Variants in SLC29A3 observed in about 807,000 individuals in gnomAD.
SLC29A3 encodes solute carrier family 29 member 3.
SLC29A3 carries 18 observed loss-of-function variants against 25.4 expected under a neutral mutation model. That is an observed-to-expected ratio of 0.71 (90% CI 0.49 to 1.05). The LOEUF (loss-of-function observed/expected upper bound fraction) is 1.05, where lower values mean the gene tolerates loss of function less well. SLC29A3 is among the 50% of genes least tolerant of loss of function. The probability of loss-of-function intolerance (pLI) is 0.00; values close to 1 mark genes in which losing one functional copy is unlikely to be tolerated. For synonymous variants in SLC29A3, 258 were observed against 267.1 expected (o/e 0.97, Z 0.33); for missense variants, 586 against 609.0 (o/e 0.96, Z 0.40).
At chr10:71,323,723 C>G (rs549322970) in intron 2 of SLC29A3, among the ~76,000 whole-genome samples, 3 of 152,196 alleles carry the variant, frequency 2.0e-5, no homozygotes, top group Admixed American at 1.3e-4. Flanking sequence ...AAAATGAATC[C>G]GAAGGGATAA....
intron 2 of SLC29A3, among the ~76,000 whole-genome samples, chr10:71,336,568 A>T (rs1355533851): frequency 6.6e-6 from 1 of 151,782 alleles, no homozygotes; most frequent in Non-Finnish European, 1.5e-5. Flanking sequence ...AGCAAAGTTA[A>T]AGTAGTTTTT....
At chr10:71,319,427 G>T in intron 1 of SLC29A3, 117 bp downstream of exon 1, 1 of 516,606 alleles carries the variant, frequency 1.9e-6, no homozygotes, top group Non-Finnish European at 3.4e-6. Context: ...GGGAGCCGCA[G>T]GACCCTACCC....
At chr10:71,352,694 C>T (rs969627835) in intron 4 of SLC29A3, 6 of 152,356 alleles carry the variant, frequency 3.9e-5, no homozygotes, top group East Asian at 1.9e-4. Context: ...TGCCTGTGCA[C>T]GACGTGGGCC....
chr10:71,343,554 G>A (rs1436381906), intron 2 of SLC29A3, among the ~76,000 whole-genome samples: 1 of 152,218 alleles, frequency 6.6e-6, no homozygotes, highest in East Asian at 1.9e-4. Flanking sequence ...TCTATCAAGA[G>A]AGAAAATCCA....
At chr10:71,332,299 G>T (rs993545644) in intron 2 of SLC29A3, among the ~76,000 whole-genome samples, 4 of 151,600 alleles carry the variant, frequency 2.6e-5, no homozygotes, top group Non-Finnish European at 5.9e-5. Flanking sequence ...ACAGGCGCCC[G>T]CCACCACACC....
intron 2 of SLC29A3, among the ~76,000 whole-genome samples, chr10:71,332,971 G>A (rs1264755229): frequency 2.0e-5 from 3 of 152,202 alleles, no homozygotes; most frequent in Non-Finnish European, 2.9e-5. Context: ...TTGCCCTCCA[G>A]GCTATTGACT....
downstream of SLC29A3, among the ~76,000 whole-genome samples, chr10:71,366,865 A>G (rs752879709): frequency 7.9e-5 from 12 of 152,192 alleles, no homozygotes; most frequent in Non-Finnish European, 1.5e-4. Context: ...CCTCGTGCCT[A>G]TTCTACCATC....
intron 2 of SLC29A3, among the ~76,000 whole-genome samples, chr10:71,324,144 T>C (rs904336390): frequency 6.6e-6 from 1 of 152,166 alleles, no homozygotes; most frequent in African/African-American, 2.4e-5. Context: ...GATGGGGATT[T>C]ATAGCCAAGG....
intron 2 of SLC29A3, among the ~76,000 whole-genome samples, chr10:71,341,193 C>T (rs1180833081): frequency 6.6e-6 from 1 of 152,100 alleles, no homozygotes; most frequent in Non-Finnish European, 1.5e-5. Flanking sequence ...CCTAGCAGGG[C>T]GTGGGGTCTC....
chr10:71,348,936 G>A (rs7913062), intron 3 of SLC29A3, among the ~76,000 whole-genome samples: 1,612 of 152,312 alleles, frequency 0.011, 30 homozygotes, highest in African/African-American at 0.036. Context: ...TCCTTCAGGA[G>A]GGACAAGAAC....
intron 2 of SLC29A3, among the ~76,000 whole-genome samples, chr10:71,329,296 C>T (rs1400463986): frequency 6.6e-6 from 1 of 152,038 alleles, no homozygotes; most frequent in East Asian, 1.9e-4. Flanking sequence ...TCGGGATCAC[C>T]TGGGAAGCTT....
intron 4 of SLC29A3, among the ~76,000 whole-genome samples, chr10:71,377,501 C>T (rs1847262082): frequency 6.6e-6 from 1 of 152,180 alleles, no homozygotes; most frequent in Non-Finnish European, 1.5e-5. Flanking sequence ...CCGGGAGCCG[C>T]GGGGCAGGCC....
At position 71,354,017 on chromosome 10, in the gene SLC29A3, T is replaced by C. The variant is rs573757706; in HGVS notation, c.611-2064T>C. 3.9e-5 allele frequency among the ~76,000 whole-genome samples: 6 copies of C among 152,308 alleles called. No homozygotes were observed. In the South Asian group the frequency reaches 1.0e-3, roughly 26 times the overall value. ...GTCTTACTGAGTTTAACCCCAGTTCTTGCAAAATGTCTAGGCGGGGATTAC... is the reference window on the plus strand; with the variant it reads ...GTCTTACTGAGTTTAACCCCAGTTCCTGCAAAATGTCTAGGCGGGGATTAC... On this transcript the variant is annotated intron_variant, in intron 4 of 5. Coordinates refer to ENST00000373189, the MANE Select transcript of SLC29A3 (RefSeq NM_018344.6).
chr10:71,362,305 T>C lies in SLC29A3; in HGVS notation c.1125T>C (p.Asn375=). 6.2e-7 allele frequency: 1 copy of C among 1,614,130 alleles called. No individual in the cohort carries two copies. The highest frequency in any genetic ancestry group is 8.5e-7 in the Non-Finnish European group (1 of 1,180,018). ...LTAWIQVPGP[N]SKALPGFVLL... ...CCTGGATCCAGGTGCCAGGGCCCAA[T>C]AGCAAGGCGCTCCCAGGGTTCGTGC... Residue 375 remains asparagine (N), a synonymous_variant, in exon 6 of 6, where the codon AAT becomes AAC. Transcript: ENST00000373189.
downstream of SLC29A3, among the ~76,000 whole-genome samples, chr10:71,368,230 G>A (rs888096793): frequency 7.9e-5 from 12 of 151,736 alleles, no homozygotes; most frequent in African/African-American, 2.7e-4. Context: ...TAGAGACTAT[G>A]TCTCTAAAAA....
chr10:71,350,316 TGTGTGTG>T (rs1564537345), intron 3 of SLC29A3, among the ~76,000 whole-genome samples: 2 of 126,772 alleles, frequency 1.6e-5, no homozygotes, highest in East Asian at 4.6e-4. Context: ...CACACCTACG[TGTGTGTG>T]TGTGTGTGTG....
chr10:71,375,929 G>T (rs1449419683), intron 4 of SLC29A3: 1 of 152,206 alleles, frequency 6.6e-6, no homozygotes, highest in Non-Finnish European at 1.5e-5. Flanking sequence ...GCCACTGATT[G>T]ATCCCTTTAA....
intron 2 of SLC29A3, among the ~76,000 whole-genome samples, chr10:71,337,549 C>T (rs1417433313): frequency 6.6e-6 from 1 of 152,266 alleles, no homozygotes; most frequent in Non-Finnish European, 1.5e-5. Flanking sequence ...GCCCAGCTGC[C>T]TCTGCTGCTG....
chr10:71,344,277 C>G lies in SLC29A3; in HGVS notation c.369C>G (p.Phe123Leu). ...CCATGCTGTGCCTGGTGGCCAACTT[C>G]CTGCTTGTCAACAGGTAGGCGACTC... ...VPSMLCLVAN[F>L]LLVNRVAVHI... is the part of the protein sequence containing the mutation. Residue 123 changes from phenylalanine (F) to leucine (L), a missense_variant, in exon 3 of 6, where the codon TTC becomes TTG. By Grantham distance (22) the Phe-to-Leu change is conservative. Transcript: ENST00000373189. 1 of 1,613,942 alleles carries G rather than the reference C, an allele frequency of 6.2e-7. No individual in the cohort carries two copies. Among genetic ancestry groups the G allele is most frequent in the Non-Finnish European group, 8.5e-7 (1 of 1,179,888 alleles).
Sources: allele counts gnomAD v4.1 joint callset (sites outside exome capture counted in the v4.1 genomes callset), GRCh38; gene constraint gnomAD v4.1.1; transcripts MANE v1.5; gene names NCBI Gene and HGNC (gene_info 2026-07-23, HGNC 2026-07-21).